NUP93: variants seen among roughly 807,000 people sequenced by gnomAD.
The protein encoded by NUP93 is nuclear pore complex protein Nup93.
A neutral mutation model predicts 107.8 loss-of-function variants in NUP93; 55 were observed. The ratio of observed to expected loss-of-function variants is 0.51; its 90% CI spans 0.41 to 0.64. The LOEUF is 0.64. NUP93 is among the 30% of genes least tolerant of loss of function. The pLI, the probability that NUP93 is intolerant of heterozygous loss-of-function variation, is 0.00. For missense variants in NUP93, 937 were observed against 1,044.7 expected (o/e 0.90, Z 1.42); for synonymous variants, 390 against 397.5 (o/e 0.98, Z 0.22).
At chr16:56,741,794 G>C (rs1961744764) in intron 1 of NUP93, 1 of 152,130 alleles carries the variant, frequency 6.6e-6, no homozygotes, top group South Asian at 2.1e-4. Flanking sequence ...CATGATCTTT[G>C]AAGTTGAAAG....
At chr16:56,737,270 A>C (rs1032157947) in intron 1 of NUP93, among the ~76,000 whole-genome samples, 2 of 152,270 alleles carry the variant, frequency 1.3e-5, no homozygotes. Context: ...GTGTGTAGTC[A>C]AGACCTTTCT....
At chr16:56,756,304 C>A (rs866786904) in intron 2 of NUP93, among the ~76,000 whole-genome samples, 5 of 86,938 alleles carry the variant, frequency 5.8e-5, no homozygotes, top group Admixed American at 1.2e-4. Context: ...TGCCCCCCCC[C>A]CCCCCGACAG....
chr16:56,794,666 T>C (rs937184642), intron 3 of NUP93, among the ~76,000 whole-genome samples: 7 of 151,802 alleles, frequency 4.6e-5, no homozygotes, highest in African/African-American at 1.7e-4. Context: ...CGGTGGCTCA[T>C]GCCTGTAATC....
intron 2 of NUP93, among the ~76,000 whole-genome samples, chr16:56,750,403 G>A (rs1260197888): frequency 2.0e-5 from 3 of 152,178 alleles, no homozygotes; most frequent in African/African-American, 7.2e-5. Flanking sequence ...CATGAAATAA[G>A]TTTTGAAAGA....
chr16:56,751,169 C>T (rs1465583398), intron 2 of NUP93, among the ~76,000 whole-genome samples: 1 of 152,004 alleles, frequency 6.6e-6, no homozygotes. Context: ...ATCAGGCAAG[C>T]TAGATGTGTA....
intron 3 of NUP93, among the ~76,000 whole-genome samples, chr16:56,783,173 C>G (rs1348184078): frequency 6.6e-6 from 1 of 152,106 alleles, no homozygotes; most frequent in Non-Finnish European, 1.5e-5. Flanking sequence ...GGCTTTTTAT[C>G]CTAAGGAATG....
At chr16:56,802,290 T>C (rs1465853167) in intron 4 of NUP93, among the ~76,000 whole-genome samples, 1 of 151,348 alleles carries the variant, frequency 6.6e-6, no homozygotes, top group African/African-American at 2.4e-5. Context: ...TCTAAGAAAA[T>C]TATCTCTTCC....
At chr16:56,750,620 T>C (rs1045979365) in intron 2 of NUP93, among the ~76,000 whole-genome samples, 2 of 152,202 alleles carry the variant, frequency 1.3e-5, no homozygotes, top group African/African-American at 4.8e-5. Context: ...TATAAAAATG[T>C]AAATCGGGTT....
At chr16:56,784,112 T>A (rs1479072795) in intron 3 of NUP93, among the ~76,000 whole-genome samples, 1 of 152,162 alleles carries the variant, frequency 6.6e-6, no homozygotes. Context: ...TAATTTAAGT[T>A]AATGAGAAGT....
At position 56,847,219 on chromosome 16, in the gene NUP93, G is replaced by A. The variant is rs1316308176; in HGVS notation, c.*2610G>A. 1 of 152,218 alleles carries A rather than the reference G, an allele frequency of 6.6e-6. No homozygotes were observed. The highest frequency in any genetic ancestry group is 1.5e-5 in the Non-Finnish European group (1 of 68,048). The allele number at this position is 152,218 out of a possible 1,614,324, so 9.4% of individuals were successfully genotyped here. ...TTGTGCGATTGAGCACAGGCCTCTG[G>A]AATTGTGCAGAGATGAGAAACAGGC... is the stretch of plus-strand genomic sequence containing the variant. On this transcript the variant is annotated 3_prime_UTR_variant, in exon 22 of 22. Transcript: ENST00000308159.
intron 3 of NUP93, among the ~76,000 whole-genome samples, chr16:56,771,682 G>GT (rs1962325572): frequency 6.6e-6 from 1 of 152,164 alleles, no homozygotes; most frequent in East Asian, 1.9e-4. Context: ...TGTGCACTGA[G>GT]TGGTGATAAA....
chr16:56,839,394 G>A, intron 19 of NUP93, 127 bp from the exon 20 acceptor site: 2 of 651,888 alleles, frequency 3.1e-6, no homozygotes, highest in Non-Finnish European at 5.2e-6. Context: ...GCCTTTGTGT[G>A]TACAAGGAGG....
intron 3 of NUP93, among the ~76,000 whole-genome samples, chr16:56,771,163 G>GA (rs1193052858): frequency 2.0e-5 from 3 of 152,156 alleles, no homozygotes; most frequent in African/African-American, 7.2e-5. Context: ...AATAGGCCTG[G>GA]AACTTTGTAT....
intron 3 of NUP93, chr16:56,781,985 A>G: frequency 1.0e-6 from 1 of 985,372 alleles, no homozygotes; most frequent in Non-Finnish European, 1.2e-6. Flanking sequence ...TTAGTGCTTC[A>G]GTCACATCAG....
At chr16:56,826,250 AC>A (rs1963655515) in intron 8 of NUP93, among the ~76,000 whole-genome samples, 1 of 152,138 alleles carries the variant, frequency 6.6e-6, no homozygotes, top group South Asian at 2.1e-4. Flanking sequence ...AGTGGCTCAC[AC>A]CTGTAATCCC....
chr16:56,773,654 T>A (rs1962361554), intron 3 of NUP93, among the ~76,000 whole-genome samples: 5 of 152,206 alleles, frequency 3.3e-5, no homozygotes, highest in Admixed American at 3.3e-4. Context: ...GCAGACCTAT[T>A]GAATCCAAAT....
intron 3 of NUP93, among the ~76,000 whole-genome samples, chr16:56,768,287 G>T (rs530788794): frequency 6.6e-6 from 1 of 152,316 alleles, no homozygotes; most frequent in Admixed American, 6.5e-5. Flanking sequence ...CTTTTGGCTG[G>T]GCGCAGTGGC....
chr16:56,799,294 A>G (rs1171794219), intron 4 of NUP93, among the ~76,000 whole-genome samples: 1 of 152,218 alleles, frequency 6.6e-6, no homozygotes, highest in Non-Finnish European at 1.5e-5. Flanking sequence ...ACGCGAAACT[A>G]GCTCCATGCT....
intron 2 of NUP93, among the ~76,000 whole-genome samples, chr16:56,757,633 A>G (rs1389424589): frequency 1.3e-5 from 2 of 152,198 alleles, no homozygotes; most frequent in African/African-American, 2.4e-5. Context: ...AGAAATAAAG[A>G]TGGCTATATT....
Sources: gnomAD v4.1 joint callset for allele counts (sites outside exome capture counted in the v4.1 genomes callset) on GRCh38, gnomAD v4.1.1 for gene constraint, MANE v1.5 for transcripts, NCBI Gene and HGNC (gene_info 2026-07-23, HGNC 2026-07-21) for gene names.